PLA2G6: variants seen among roughly 807,000 people sequenced by gnomAD.
PLA2G6 encodes 85/88 kDa calcium-independent phospholipase A2.
PLA2G6 carries 62 observed loss-of-function variants against 83.8 expected under a neutral mutation model. The observed-to-expected ratio is 0.74, with a 90% CI of 0.60 to 0.91. The LOEUF is 0.91. PLA2G6 is among the 40% of genes least tolerant of loss of function. PLA2G6 has a pLI of 0.00. For missense variants in PLA2G6, 944 were observed against 1,102.0 expected (o/e 0.86, Z 2.03); for synonymous variants, 417 against 449.8 (o/e 0.93, Z 0.92).
At chr22:38,114,763 AGGCTCCC>A (rs1478669605) in intron 14 of PLA2G6, among the ~76,000 whole-genome samples, 1 of 152,212 alleles carries the variant, frequency 6.6e-6, no homozygotes, top group Non-Finnish European at 1.5e-5. Flanking sequence ...GATGCAGCTC[AGGCTCCC>A]GGCAGTGCTG....
intron 4 of PLA2G6, chr22:38,142,422 C>G (rs1378620443): frequency 6.5e-6 from 1 of 154,880 alleles, no homozygotes; most frequent in African/African-American, 2.4e-5. Context: ...ACATCTTTTG[C>G]CCAGGTAATC....
chr22:38,124,442 A>T (rs929883797), intron 10 of PLA2G6, among the ~76,000 whole-genome samples: 2 of 151,840 alleles, frequency 1.3e-5, no homozygotes, highest in Non-Finnish European at 2.9e-5. Flanking sequence ...GTCTCCCCAC[A>T]TCCTGCCTGT....
rs587784362 is a variant in PLA2G6 at position 38,135,061 on chromosome 22, A to C, written c.821T>G (p.Met274Arg). 1 of 1,602,272 alleles carries C rather than the reference A, an allele frequency of 6.2e-7. No homozygotes were observed. Among genetic ancestry groups the C allele is most frequent in the Non-Finnish European group, 8.5e-7 (1 of 1,172,832 alleles). ...QKGCAEMIIS[M>R]DSSQIHSKDP... is the part of the protein sequence containing the mutation. ...TTTGCTGTGGATCTGGCTGCTGTCC[A>C]TGCTGATGATCATCTCCGCACACCT... Residue 274 changes from methionine to arginine, a missense_variant, in exon 6 of 17, where the codon ATG (methionine) becomes AGG (arginine). Transcript: ENST00000332509.
intron 2 of PLA2G6, among the ~76,000 whole-genome samples, chr22:38,151,649 G>A (rs1478984798): frequency 2.0e-5 from 3 of 152,168 alleles, no homozygotes; most frequent in Non-Finnish European, 4.4e-5. Flanking sequence ...ATCTAAATAA[G>A]TATTGATGGT....
rs558854177 is a variant in PLA2G6 at position 38,129,376 on chromosome 22, C to G, written c.1186+78G>C. The G allele has an allele frequency of 3.0e-6, 3 of 1,013,974 alleles. No individual in the cohort carries two copies. In the African/African-American group the frequency reaches 4.7e-5, roughly 16 times the overall value. The allele number at this position is 1,013,974 out of a possible 1,614,324, so 62.8% of individuals were successfully genotyped here. A position where few individuals can be genotyped will look rare whatever the true frequency, so the allele number is the denominator to read the frequency against. On this transcript the variant is annotated intron_variant, in intron 8 of 16. Coordinates refer to ENST00000332509, the MANE Select transcript of PLA2G6 (RefSeq NM_003560.4). ...AGCACAGGATGCTGGCACCTGATGC[C>G]TGGGACTTCCCTCCTCCTCGGTCCC...
chr22:38,113,914 A>G, intron 14 of PLA2G6: 2 of 586,644 alleles, frequency 3.4e-6, no homozygotes, highest in Non-Finnish European at 6.5e-6. Flanking sequence ...CACCAGCTGC[A>G]AGAAGGATCC....
In PLA2G6 at chr22:38,120,518, A is replaced by C. The variant is rs371440690; in HGVS notation, c.1742+241T>G. 2.6e-5 allele frequency among the ~76,000 whole-genome samples: 4 copies of C among 151,890 alleles called. No individual in the cohort carries two copies. The East Asian group carries it at 5.8e-4, about 22-fold the overall frequency. ...GGCAGGGCAGAGCCGGGCAGGGCAG[A>C]GCCAGGCAGGGCAGAGCCAGGCCCA... On this transcript the variant is annotated intron_variant, in intron 12 of 16. Coordinates refer to ENST00000332509, the MANE Select transcript of PLA2G6 (RefSeq NM_003560.4).
chr22:38,112,380 G>T, intron 16 of PLA2G6, 75 bp from the exon 17 acceptor site: 1 of 1,563,254 alleles, frequency 6.4e-7, no homozygotes, highest in Non-Finnish European at 8.7e-7. Context: ...GGACCAGGGT[G>T]GGCTTGGGGA....
At chr22:38,175,635 T>C (rs2145959210) in intron 1 of PLA2G6, among the ~76,000 whole-genome samples, 1 of 152,282 alleles carries the variant, frequency 6.6e-6, no homozygotes, top group African/African-American at 2.4e-5. Flanking sequence ...TTCTTATCCA[T>C]GAAGATACAG....
chr22:38,112,506 G>A lies in PLA2G6; in HGVS notation c.2274C>T (p.Phe758=). ...AWCEMVGIQY[F]RLNPQLGTDI... ...GGCTGGGGCGGCTGAGCCCTCACCT[G>A]AAGTACTGGATGCCGACCATCTCGC... is the stretch of plus-strand genomic sequence containing the variant. Residue 758 remains phenylalanine, a splice_region_variant and synonymous_variant, in exon 16 of 17, where the codon TTC becomes TTT. Coordinates refer to ENST00000332509, the MANE Select transcript of PLA2G6 (RefSeq NM_003560.4). 1 of 1,554,750 alleles carries A rather than the reference G, an allele frequency of 6.4e-7. No individual in the cohort carries two copies. Among genetic ancestry groups the A allele is most frequent in the East Asian group, 2.4e-5 (1 of 41,088 alleles).
chr22:38,116,197 C>T lies in PLA2G6; in HGVS notation c.1757G>A (p.Gly586Glu). ...AGCCGGCTGCCGGTCAGACAGTGTC[C>T]CTGTCAGCATCACCCTGGAGAGAAA... is the stretch of plus-strand genomic sequence containing the variant. ...DVRKPKVMLT[G>E]TLSDRQPAEL... The change falls in exon 13 of 17, where the codon GGG becomes GAG. Residue 586 changes from glycine to glutamate, a missense_variant. Physicochemically the swap from Gly to Glu is moderately conservative, Grantham distance 98 (BLOSUM62 -2). Transcript: ENST00000332509. The T allele has an allele frequency of 1.2e-6, 2 of 1,614,018 alleles. No homozygotes were observed. The highest frequency in any genetic ancestry group is 1.7e-6 in the Non-Finnish European group (2 of 1,179,942).
chr22:38,123,115 A>G lies in PLA2G6; in HGVS notation c.1571T>C (p.Leu524Pro). Residue 524 changes from leucine (L) to proline (P), a missense_variant, in exon 11 of 17, where the codon CTG (leucine) becomes CCG (proline). Coordinates refer to ENST00000332509, the MANE Select transcript of PLA2G6 (RefSeq NM_003560.4). The surrounding 1 kb of genome is among the most constrained non-coding windows in gnomAD (Gnocchi z 4.1). ...CTCACTGTGCAGAATGGCCAGGGCC[A>G]GGATGCCTCCAGTGCTGGTGCCCGC... ...WVAGTSTGGI[L>P]ALAILHSKSM... 6.5e-7 allele frequency: 1 copy of G among 1,549,604 alleles called. No homozygotes were observed.
chr22:38,116,811 A>G (rs1245620926), intron 12 of PLA2G6, among the ~76,000 whole-genome samples: 1 of 132,572 alleles, frequency 7.5e-6, no homozygotes, highest in Non-Finnish European at 1.6e-5. Context: ...AGATCACGTC[A>G]TTGCACTCCA....
chr22:38,174,206 C>T (rs1569304742), intron 1 of PLA2G6, among the ~76,000 whole-genome samples: 1 of 151,858 alleles, frequency 6.6e-6, no homozygotes, highest in South Asian at 2.1e-4. Flanking sequence ...ACCATCCTGG[C>T]TAACATGGTG....
At position 38,132,352 on chromosome 22, in the gene PLA2G6, G is replaced by C. The variant is rs933597445; in HGVS notation, c.1077+479C>G. On this transcript the variant is annotated intron_variant, in intron 7 of 16. Transcript: ENST00000332509. This position sits in a 1 kb window ranked among gnomAD's most constrained non-coding sequence, Gnocchi z 5.0. Reference sequence around the variant, plus strand: ...CTCCCAGGGAAGATGAGAGCAACACGCGGACCAGTGAAGGGAAGCAGGATG... The same window carrying C: ...CTCCCAGGGAAGATGAGAGCAACACCCGGACCAGTGAAGGGAAGCAGGATG... 3.4e-5 allele frequency: 11 copies of C among 322,790 alleles called. No individual in the cohort carries two copies. Among genetic ancestry groups the C allele is most frequent in the Non-Finnish European group, 6.0e-6 (1 of 165,628 alleles). The allele number at this position is 322,790 out of a possible 1,614,324, so 20.0% of individuals were successfully genotyped here.
At chr22:38,115,364 G>T (rs2087125355) in intron 14 of PLA2G6, among the ~76,000 whole-genome samples, 163 bp downstream of exon 14, 1 of 152,238 alleles carries the variant, frequency 6.6e-6, no homozygotes, top group Non-Finnish European at 1.5e-5. Context: ...TCCCACCCAT[G>T]GAACAGGTTC....
At chr22:38,167,921 G>A (rs2090283812) in intron 2 of PLA2G6, 1 of 169,614 alleles carries the variant, frequency 5.9e-6, no homozygotes, top group African/African-American at 2.4e-5. Flanking sequence ...CATGCACCTG[G>A]GATCCAACCA....
intron 2 of PLA2G6, among the ~76,000 whole-genome samples, chr22:38,163,072 G>C (rs73172642): frequency 0.095 from 14,415 of 152,084 alleles, 759 homozygotes; most frequent in South Asian, 0.14. Flanking sequence ...CTTGAAAGTG[G>C]CTGTGTGAGC....
rs1485023784 is a variant in PLA2G6 at position 38,116,185 on chromosome 22, TCAGA to T, written c.1765_1768del (p.Ser589ThrfsTer76). Reference sequence around the variant, plus strand: ...GAGGTGGAGTTCAGCCGGCTGCCGGTCAGACAGTGTCCCTGTCAGCATCACCCTG... The same window carrying T: ...GAGGTGGAGTTCAGCCGGCTGCCGGTCAGTGTCCCTGTCAGCATCACCCTG... On this transcript the variant is annotated frameshift_variant, in exon 13 of 17. Coordinates refer to ENST00000332509, the MANE Select transcript of PLA2G6 (RefSeq NM_003560.4). LOFTEE classifies it high-confidence loss of function. The T allele has an allele frequency of 4.3e-6, 7 of 1,613,946 alleles. No individual in the cohort carries two copies. Among genetic ancestry groups the T allele is most frequent in the East Asian group, 2.2e-5 (1 of 44,874 alleles).
Sources: gnomAD v4.1 joint callset for allele counts (sites outside exome capture counted in the v4.1 genomes callset) on GRCh38, gnomAD v4.1.1 for gene constraint, Gnocchi (gnomAD v3.1) non-coding constraint, MANE v1.5 for transcripts, NCBI Gene and HGNC (gene_info 2026-07-23, HGNC 2026-07-21) for gene names.